The following MSRA variants were observed in gnomAD, a reference collection of about 807,000 sequenced individuals.
MSRA encodes the protein methionine sulfoxide reductase A, also known as mitochondrial peptide methionine sulfoxide reductase.
In MSRA, 54 loss-of-function variants were observed where a neutral mutation model predicts 31.3. The ratio of observed to expected loss-of-function variants is 1.73; its 90% CI spans 1.39 to 2.17. The LOEUF (loss-of-function observed/expected upper bound fraction) is 2.17. Ranked by LOEUF, MSRA falls within the 30% of genes most tolerant of loss-of-function variation. The probability of loss-of-function intolerance (pLI) is 0.00; values close to 1 mark genes in which losing one functional copy is unlikely to be tolerated. For synonymous variants in MSRA, 169 were observed against 116.5 expected (o/e 1.45, Z -2.90); for missense variants, 507 against 300.9 (o/e 1.69, Z -5.07).
chr8:10,141,256 T>C (rs1802681236), intron 1 of MSRA, among the ~76,000 whole-genome samples: 1 of 152,178 alleles, frequency 6.6e-6, no homozygotes, highest in Non-Finnish European at 1.5e-5. Flanking sequence ...TCACGCCTTA[T>C]AATCCTCACA....
chr8:10,160,653 C>T (rs749391918), intron 1 of MSRA, among the ~76,000 whole-genome samples: 14 of 152,062 alleles, frequency 9.2e-5, no homozygotes, highest in South Asian at 2.1e-4. Context: ...CCTCAGCCTC[C>T]CGAGTAGCTG....
At chr8:10,288,984 T>G (rs1390228981) in intron 3 of MSRA, among the ~76,000 whole-genome samples, 1 of 152,066 alleles carries the variant, frequency 6.6e-6, no homozygotes, top group African/African-American at 2.4e-5. Context: ...CCATTTCTTT[T>G]TTTTTTTTCC....
At chr8:10,230,692 AAAG>A (rs1468733463) in intron 2 of MSRA, among the ~76,000 whole-genome samples, 17 of 152,344 alleles carry the variant, frequency 1.1e-4, no homozygotes, top group African/African-American at 3.8e-4. Context: ...TGAAGAGCAA[AAAG>A]AAGAACATAA....
chr8:10,061,731 G>C (rs976080990), intron 1 of MSRA, among the ~76,000 whole-genome samples: 4 of 152,220 alleles, frequency 2.6e-5, no homozygotes, highest in African/African-American at 9.7e-5. Context: ...AGTTAACAGA[G>C]CTGCCCCATT....
chr8:10,070,295 A>G (rs536818218), intron 1 of MSRA, among the ~76,000 whole-genome samples: 3 of 152,284 alleles, frequency 2.0e-5, no homozygotes, highest in South Asian at 2.1e-4. Flanking sequence ...AACTTAGTCA[A>G]TTTGCATCTG....
chr8:10,151,598 C>T (rs1002488144), intron 1 of MSRA, among the ~76,000 whole-genome samples: 1 of 152,058 alleles, frequency 6.6e-6, no homozygotes, highest in African/African-American at 2.4e-5. Flanking sequence ...TGCAGTGAGC[C>T]CAGATCGCGC....
chr8:10,258,447 C>G (rs1376619791), intron 3 of MSRA, among the ~76,000 whole-genome samples: 2 of 152,156 alleles, frequency 1.3e-5, no homozygotes. Context: ...AGGGTAGGGA[C>G]TATGTCTTTT....
At chr8:10,287,869 T>G (rs1203310135) in intron 3 of MSRA, among the ~76,000 whole-genome samples, 1 of 152,136 alleles carries the variant, frequency 6.6e-6, no homozygotes, top group Non-Finnish European at 1.5e-5. Flanking sequence ...CACTGAACTC[T>G]GAGACTACCC....
chr8:10,351,140 T>TGGTGACA (rs1804114366), intron 5 of MSRA, among the ~76,000 whole-genome samples: 1 of 151,652 alleles, frequency 6.6e-6, no homozygotes, highest in Non-Finnish European at 1.5e-5. Flanking sequence ...TGTTCCTCGG[T>TGGTGACA]GGTGACACCT....
chr8:10,366,153 G>C lies in MSRA; in HGVS notation c.543+46164G>C, dbSNP rs180860442. 5.9e-5 allele frequency among the ~76,000 whole-genome samples: 9 copies of C among 152,374 alleles called. No individual in the cohort carries two copies. The East Asian group carries it at 1.5e-3, about 26-fold the overall frequency. ...TTTATCTGGACGGCTTTCTAGAGCA[G>C]ATGGGCTCGGAGGAGACTGATTTTT... On this transcript the variant is annotated intron_variant, in intron 5 of 5. Transcript: ENST00000317173.
chr8:10,253,546 C>G (rs1439791859), intron 3 of MSRA, among the ~76,000 whole-genome samples: 1 of 152,108 alleles, frequency 6.6e-6, no homozygotes, highest in Admixed American at 6.5e-5. Context: ...ATCCTTTTAC[C>G]CATTCAACAC....
intron 1 of MSRA, among the ~76,000 whole-genome samples, chr8:10,154,283 C>T (rs79813232): frequency 2.5e-5 from 3 of 118,804 alleles, no homozygotes; most frequent in East Asian, 3.8e-4. Context: ...TACGGCAGGG[C>T]AGGGGTGCTA....
chr8:10,145,195 G>C (rs577894509), intron 1 of MSRA, among the ~76,000 whole-genome samples: 1 of 152,318 alleles, frequency 6.6e-6, no homozygotes, highest in African/African-American at 2.4e-5. Context: ...GCAGTGCGAG[G>C]CGAGAACCGT....
intron 1 of MSRA, among the ~76,000 whole-genome samples, chr8:10,200,068 G>C (rs539965865): frequency 2.0e-4 from 31 of 152,278 alleles, no homozygotes; most frequent in African/African-American, 7.5e-4. Context: ...TGCAGAAAGA[G>C]CTGGGAGGTA....
intron 5 of MSRA, among the ~76,000 whole-genome samples, chr8:10,425,630 A>G (rs1229287509): frequency 6.6e-6 from 1 of 152,236 alleles, no homozygotes; most frequent in African/African-American, 2.4e-5. Context: ...AGGTGTGGCC[A>G]TAGAACATGG....
chr8:10,069,203 T>C (rs1209089331), intron 1 of MSRA, among the ~76,000 whole-genome samples: 1 of 152,234 alleles, frequency 6.6e-6, no homozygotes, highest in South Asian at 2.1e-4. Context: ...ATGTCATCTG[T>C]GAATGAACAG....
chr8:10,272,424 C>A (rs1430694683), intron 3 of MSRA, among the ~76,000 whole-genome samples: 2 of 152,182 alleles, frequency 1.3e-5, no homozygotes, highest in Non-Finnish European at 2.9e-5. Context: ...GGAAAAAAAT[C>A]AGTGTCTCAG....
intron 1 of MSRA, among the ~76,000 whole-genome samples, chr8:10,058,391 C>T (rs1802514053): frequency 6.6e-6 from 1 of 152,176 alleles, no homozygotes; most frequent in African/African-American, 2.4e-5. Flanking sequence ...TAGGAGACTA[C>T]TGAACTCTTT....
intron 1 of MSRA, among the ~76,000 whole-genome samples, chr8:10,075,728 G>A (rs1014763298): frequency 1.3e-5 from 2 of 152,178 alleles, no homozygotes; most frequent in African/African-American, 4.8e-5. Flanking sequence ...TCGTAAGGTG[G>A]TTCTCAGTCC....
Sources: allele counts gnomAD v4.1 joint callset (sites outside exome capture counted in the v4.1 genomes callset), GRCh38; gene constraint gnomAD v4.1.1; transcripts MANE v1.5; gene names NCBI Gene and HGNC (gene_info 2026-07-23, HGNC 2026-07-21).